DRC11: variants seen among roughly 807,000 people sequenced by gnomAD.
DRC11 encodes the protein dynein regulatory complex subunit 11, also known as IQ and AAA domain-containing protein 1.
the DRC11 span, among the ~76,000 whole-genome samples, chr2:236,417,164 C>G: frequency 6.6e-6 from 1 of 152,298 alleles, no homozygotes; most frequent in South Asian, 2.1e-4. Flanking sequence ...GCCACCATGC[C>G]CAGCCAAAAT....
chr2:236,416,731 A>ATATATATATATATATT, the DRC11 span, among the ~76,000 whole-genome samples: 1 of 43,000 alleles, frequency 2.3e-5, no homozygotes, highest in South Asian at 6.2e-4. Context: ...TTATATATAT[A>ATATATATATATATATT]TATATATATA....
chr2:236,413,035 G>C, the DRC11 span: 1 of 152,286 alleles, frequency 6.6e-6, no homozygotes, highest in Non-Finnish European at 1.5e-5. This position sits in a 1 kb window ranked among gnomAD's most constrained non-coding sequence, Gnocchi z 4.0. Context: ...GCTCCTGAAA[G>C]AGTCTCCTGC....
At chr2:236,424,724 G>T in the DRC11 span, among the ~76,000 whole-genome samples, 2 of 151,880 alleles carry the variant, frequency 1.3e-5, no homozygotes, top group East Asian at 3.9e-4. Context: ...TGTTAATTAT[G>T]GTCATCATGC....
chr2:236,484,382 T>C, the DRC11 span, among the ~76,000 whole-genome samples: 1 of 152,222 alleles, frequency 6.6e-6, no homozygotes, highest in East Asian at 1.9e-4. Flanking sequence ...ATAAAACACA[T>C]GTTTATTGCA....
At chr2:236,459,624 C>CGTATATACATAT in the DRC11 span, among the ~76,000 whole-genome samples, 2 of 82,648 alleles carry the variant, frequency 2.4e-5, no homozygotes, top group South Asian at 3.0e-4. Flanking sequence ...TAAGTATATA[C>CGTATATACATAT]ATACGTATAT....
the DRC11 span, among the ~76,000 whole-genome samples, chr2:236,498,021 C>G: frequency 6.6e-6 from 1 of 152,048 alleles, no homozygotes; most frequent in Non-Finnish European, 1.5e-5. Context: ...TAAATGTCCA[C>G]CAGTAAGAGA....
the DRC11 span, among the ~76,000 whole-genome samples, chr2:236,484,709 A>G: frequency 6.6e-6 from 1 of 152,162 alleles, no homozygotes; most frequent in Non-Finnish European, 1.5e-5. Context: ...TGAAACCCTC[A>G]GTAGCAGTCC....
the DRC11 span, chr2:236,441,130 G>A: frequency 6.5e-7 from 1 of 1,544,360 alleles, no homozygotes; most frequent in Non-Finnish European, 8.8e-7. Context: ...AATTTCTGCA[G>A]GAAAAAAAAT....
chr2:236,348,157 C>T, the DRC11 span, among the ~76,000 whole-genome samples: 1 of 152,222 alleles, frequency 6.6e-6, no homozygotes, highest in Non-Finnish European at 1.5e-5. This position sits in a 1 kb window ranked among gnomAD's most constrained non-coding sequence, Gnocchi z 7.4. Flanking sequence ...CCAGCTTAAA[C>T]ATTCTGTGCT....
At chr2:236,435,463 T>A in the DRC11 span, among the ~76,000 whole-genome samples, 1 of 152,220 alleles carries the variant, frequency 6.6e-6, no homozygotes, top group Non-Finnish European at 1.5e-5. Flanking sequence ...CACATTGCTA[T>A]AAAGAACTGC....
chr2:236,341,111 G>A, the DRC11 span, among the ~76,000 whole-genome samples: 1 of 152,236 alleles, frequency 6.6e-6, no homozygotes, highest in African/African-American at 2.4e-5. Flanking sequence ...CATCCACGCA[G>A]CAATTTCAAT....
the DRC11 span, chr2:236,408,983 G>T: frequency 1.4e-6 from 1 of 708,886 alleles, no homozygotes. This position sits in a 1 kb window ranked among gnomAD's most constrained non-coding sequence, Gnocchi z 5.5. Context: ...CATCCTTAGG[G>T]CAGCTCTTCA....
At chr2:236,449,398 G>A in the DRC11 span, among the ~76,000 whole-genome samples, 5 of 152,168 alleles carry the variant, frequency 3.3e-5, no homozygotes, top group Non-Finnish European at 5.9e-5. The surrounding 1 kb of genome is among the most constrained non-coding windows in gnomAD (Gnocchi z 5.1). Flanking sequence ...TCTCGCCTCC[G>A]CCTCCGCAAT....
the DRC11 span, chr2:236,368,606 A>G: frequency 2.7e-5 from 6 of 222,808 alleles, no homozygotes; most frequent in Non-Finnish European, 5.3e-5. Flanking sequence ...AAATGGGACA[A>G]AGTGCTAAAA....
chr2:236,307,288 C>A, the DRC11 span, among the ~76,000 whole-genome samples: 1 of 152,132 alleles, frequency 6.6e-6, no homozygotes, highest in Non-Finnish European at 1.5e-5. The surrounding 1 kb of genome is among the most constrained non-coding windows in gnomAD (Gnocchi z 7.0). Flanking sequence ...CAAGCAGACC[C>A]CCTGGCTCCT....
chr2:236,404,898 TG>T, the DRC11 span, among the ~76,000 whole-genome samples: 2 of 152,156 alleles, frequency 1.3e-5, no homozygotes, highest in African/African-American at 4.8e-5. Context: ...CTGTGTCTGG[TG>T]GGGGCTGCTC....
chr2:236,491,142 G>GTATATACACACAGTATATATATATA, the DRC11 span, among the ~76,000 whole-genome samples: 7 of 39,360 alleles, frequency 1.8e-4, no homozygotes, highest in Non-Finnish European at 1.8e-4. Flanking sequence ...TATATATACA[G>GTATATACACACAGTATATATATATA]TATATATATA....
the DRC11 span, among the ~76,000 whole-genome samples, chr2:236,370,312 C>T: frequency 3.3e-5 from 5 of 152,242 alleles, no homozygotes; most frequent in African/African-American, 1.2e-4. The surrounding 1 kb of genome is among the most constrained non-coding windows in gnomAD (Gnocchi z 5.5). Context: ...ATGTTTACAG[C>T]GATTTAGTGA....
At chr2:236,459,560 CGTATAT>C in the DRC11 span, among the ~76,000 whole-genome samples, 21 of 132,608 alleles carry the variant, frequency 1.6e-4, no homozygotes, top group Non-Finnish European at 2.6e-4. Flanking sequence ...TACATGTATA[CGTATAT>C]ATGTGTATAC....
Sources: gnomAD v4.1 joint callset for allele counts (sites outside exome capture counted in the v4.1 genomes callset) on GRCh38, gnomAD v4.1.1 for gene constraint, Gnocchi (gnomAD v3.1) non-coding constraint, MANE v1.5 for transcripts, NCBI Gene and HGNC (gene_info 2026-07-23, HGNC 2026-07-21) for gene names.